NAALADL2: variants seen among roughly 807,000 people sequenced by gnomAD.
NAALADL2 encodes the protein N-acetylated alpha-linked acidic dipeptidase like 2, also known as inactive N-acetylated-alpha-linked acidic dipeptidase-like protein 2.
Under a neutral mutation model 87.2 loss-of-function variants are expected in NAALADL2, and 76 were observed. That is an observed-to-expected ratio of 0.87 (90% CI 0.72 to 1.05). NAALADL2 has a LOEUF of 1.05. Ranked by LOEUF, NAALADL2 falls within the 50% of genes least tolerant of loss-of-function variation. The pLI is 0.00. For synonymous variants in NAALADL2, 354 were observed against 331.0 expected, an observed-to-expected ratio of 1.07 and a Z score of -0.75; for missense variants, 1,089 against 945.8, an observed-to-expected ratio of 1.15 and a Z score of -1.99.
chr3:175,407,858 G>A (rs550947770), intron 5 of NAALADL2, among the ~76,000 whole-genome samples: 185 of 152,232 alleles, frequency 1.2e-3, no homozygotes, highest in Admixed American at 2.6e-3. Flanking sequence ...TTAGTAACAG[G>A]TTGTCTAACC....
chr3:174,833,173 T>C (rs945001677), intron 3 of NAALADL2, among the ~76,000 whole-genome samples: 1 of 152,192 alleles, frequency 6.6e-6, no homozygotes, highest in African/African-American at 2.4e-5. Context: ...TATGTACTTT[T>C]AAATGATCAT....
intron 4 of NAALADL2, among the ~76,000 whole-genome samples, chr3:175,267,574 C>T (rs939635662): frequency 6.6e-6 from 1 of 151,970 alleles, no homozygotes; most frequent in African/African-American, 2.4e-5. Context: ...CAGTTTATAT[C>T]AGGATAATAC....
chr3:174,576,114 C>T (rs574676658), intron 2 of NAALADL2, among the ~76,000 whole-genome samples: 31 of 152,158 alleles, frequency 2.0e-4, no homozygotes, highest in African/African-American at 7.5e-4. Flanking sequence ...CCACTCACCT[C>T]GGCTTCACAA....
At chr3:175,230,728 T>C (rs1195984214) in intron 2 of NAALADL2, among the ~76,000 whole-genome samples, 4 of 151,972 alleles carry the variant, frequency 2.6e-5, no homozygotes, top group African/African-American at 9.7e-5. Context: ...GACAAAAGTA[T>C]AATATAAAAT....
intron 1 of NAALADL2, among the ~76,000 whole-genome samples, chr3:174,540,167 A>C (rs942226286): frequency 6.6e-6 from 1 of 152,140 alleles, no homozygotes; most frequent in Non-Finnish European, 1.5e-5. Context: ...TTCACAAAAT[A>C]GAATTTATTC....
chr3:175,177,303 C>A (rs572151881), intron 2 of NAALADL2, among the ~76,000 whole-genome samples: 382 of 152,226 alleles, frequency 2.5e-3, no homozygotes, highest in African/African-American at 9.0e-3. Flanking sequence ...TATCTGACCT[C>A]TATTTCTCCA....
intron 3 of NAALADL2, among the ~76,000 whole-genome samples, chr3:174,829,045 T>C (rs1362473117): frequency 6.6e-6 from 1 of 152,214 alleles, no homozygotes; most frequent in Non-Finnish European, 1.5e-5. Flanking sequence ...AGTTACATAT[T>C]GAACTATTAT....
chr3:175,044,689 A>G (rs1754465580), intron 1 of NAALADL2, among the ~76,000 whole-genome samples: 2 of 152,038 alleles, frequency 1.3e-5, no homozygotes, highest in Non-Finnish European at 2.9e-5. Flanking sequence ...TATAATTATT[A>G]TTTTCTATGG....
intron 1 of NAALADL2, among the ~76,000 whole-genome samples, chr3:174,474,666 C>T (rs1717106900): frequency 6.6e-6 from 1 of 152,066 alleles, no homozygotes; most frequent in Non-Finnish European, 1.5e-5. Context: ...AACCTTCCAC[C>T]TTCTTGTGTT....
chr3:174,499,678 A>C (rs1161113581), intron 1 of NAALADL2, among the ~76,000 whole-genome samples: 2 of 152,098 alleles, frequency 1.3e-5, no homozygotes, highest in Non-Finnish European at 2.9e-5. Flanking sequence ...TGAAAAGACT[A>C]TACATTTTCC....
chr3:175,786,101 T>C (rs1576824588), intron 13 of NAALADL2, among the ~76,000 whole-genome samples: 1 of 152,100 alleles, frequency 6.6e-6, no homozygotes, highest in African/African-American at 2.4e-5. Context: ...CCTTTGAGGG[T>C]AACCCAACCT....
chr3:175,802,972 T>C, intron 13 of NAALADL2, 33 bp from the exon 14 acceptor site: 1 of 1,446,188 alleles, frequency 6.9e-7, no homozygotes. Flanking sequence ...GCATTGTGCA[T>C]GAAACATTTA....
At chr3:175,558,693 A>G (rs79320825) in intron 9 of NAALADL2, among the ~76,000 whole-genome samples, 2,050 of 152,188 alleles carry the variant, frequency 0.013, 38 homozygotes, top group African/African-American at 0.044. Flanking sequence ...CCTTTCCCCA[A>G]TGTATATCCT....
intron 9 of NAALADL2, among the ~76,000 whole-genome samples, chr3:175,474,573 T>G (rs1392115180): frequency 6.6e-6 from 1 of 152,192 alleles, no homozygotes; most frequent in African/African-American, 2.4e-5. Context: ...AGATTCTCCA[T>G]TCTTCAATGT....
Position 175,638,103 on chromosome 3 carries a change from A to G in NAALADL2, c.1896+10717A>G, listed in dbSNP as rs142785497. ...GTTTTGTAAAATAGATGAATGAACA[A>G]AGCATTTGAACAATTAGTGTGTTAT... is the stretch of plus-strand genomic sequence containing the variant. On this transcript the variant is annotated intron_variant, in intron 11 of 13. Coordinates refer to ENST00000454872, the MANE Select transcript of NAALADL2 (RefSeq NM_207015.3). Among the ~76,000 whole-genome samples the G allele has an allele frequency of 6.8e-3, 1,031 of 152,330 alleles. 9 individuals carry two copies. Among genetic ancestry groups the G allele is most frequent in the African/African-American group, 0.024 (989 of 41,574 alleles).
chr3:174,474,860 C>G (rs1290104568), intron 1 of NAALADL2, among the ~76,000 whole-genome samples: 33 of 152,028 alleles, frequency 2.2e-4, no homozygotes, highest in Admixed American at 1.6e-3. Flanking sequence ...TATTAAGTGC[C>G]TAGCAGTTTA....
intron 1 of NAALADL2, among the ~76,000 whole-genome samples, chr3:174,506,446 G>T (rs111769198): frequency 0.024 from 3,715 of 152,082 alleles, 155 homozygotes; most frequent in African/African-American, 0.085. Flanking sequence ...CTCCCAAAGT[G>T]CTAGGATTAC....
intron 2 of NAALADL2, among the ~76,000 whole-genome samples, chr3:174,723,783 A>AAAAAAAAG (rs397943341): frequency 6.8e-6 from 1 of 147,214 alleles, no homozygotes; most frequent in Non-Finnish European, 1.5e-5. Flanking sequence ...AAAAAAAAAA[A>AAAAAAAAG]GCCTAGATAG....
chr3:175,658,662 T>C (rs1294888092), intron 11 of NAALADL2, among the ~76,000 whole-genome samples: 2 of 152,192 alleles, frequency 1.3e-5, no homozygotes, highest in Non-Finnish European at 2.9e-5. Flanking sequence ...TGGATATGTA[T>C]TGTTCCTCAA....
Sources: gnomAD v4.1 joint callset for allele counts (sites outside exome capture counted in the v4.1 genomes callset) on GRCh38, gnomAD v4.1.1 for gene constraint, MANE v1.5 for transcripts, NCBI Gene and HGNC (gene_info 2026-07-23, HGNC 2026-07-21) for gene names.